The following ACCS variants were observed in gnomAD, a reference collection of about 807,000 sequenced individuals.
ACCS encodes 1-aminocyclopropane-1-carboxylate synthase homolog (inactive), also known as 1-aminocyclopropane-1-carboxylate synthase-like protein 1.
In ACCS, 42 loss-of-function variants were observed where a neutral mutation model predicts 59.8. The ratio of observed to expected loss-of-function variants is 0.70; its 90% CI spans 0.55 to 0.91. The LOEUF (loss-of-function observed/expected upper bound fraction) is 0.91. Ranked by LOEUF, ACCS falls within the 40% of genes least tolerant of loss-of-function variation. The pLI is 0.00. For missense variants in ACCS, 602 were observed against 630.4 expected, an observed-to-expected ratio of 0.95 and a Z score of 0.48; for synonymous variants, 230 against 240.3, an observed-to-expected ratio of 0.96 and a Z score of 0.40.
At position 44,077,320 on chromosome 11, in the gene ACCS, C is replaced by G; in HGVS notation, c.598C>G (p.Gln200Glu). 14 of 1,614,176 alleles carry G rather than the reference C, an allele frequency of 8.7e-6. No homozygotes were observed. The highest frequency in any genetic ancestry group is 1.2e-5 in the Non-Finnish European group (14 of 1,180,024). Residue 200 changes from glutamine to glutamate, a missense_variant, in exon 7 of 15, where the codon CAG becomes GAG. Physicochemically the swap from Gln to Glu is conservative, Grantham distance 29. Coordinates refer to ENST00000263776, the MANE Select transcript of ACCS (RefSeq NM_032592.4). Reference protein sequence around the residue: ...IPTPYYGAITQHVCLYGNIRL... With the variant: ...IPTPYYGAITEHVCLYGNIRL... ...CACCCCTTACTATGGCGCTATCACA[C>G]AGCACGTGTGTCTCTATGGCAACAT... is the stretch of plus-strand genomic sequence containing the variant.
intron 8 of ACCS, chr11:44,078,180 C>A (rs908924734): frequency 1.0e-5 from 5 of 492,158 alleles, no homozygotes; most frequent in African/African-American, 9.7e-5. Context: ...ATACCCCCAT[C>A]CCTGATCCAT....
intron 12 of ACCS, among the ~76,000 whole-genome samples, chr11:44,082,758 C>T (rs1953697587): frequency 1.3e-5 from 2 of 152,140 alleles, no homozygotes; most frequent in African/African-American, 4.8e-5. Context: ...AAAGTCAGTA[C>T]AAACAATGAG....
At chr11:44,079,659 T>C (rs1465720687) in intron 10 of ACCS, 39 bp downstream of exon 10, 1 of 1,563,552 alleles carries the variant, frequency 6.4e-7, no homozygotes, top group Non-Finnish European at 8.7e-7. Context: ...CCAGTCCCTA[T>C]TATCCCACGG....
chr11:44,081,125 A>G (rs1953618912), intron 11 of ACCS, 54 bp from the exon 12 acceptor site: 2 of 1,614,002 alleles, frequency 1.2e-6, no homozygotes, highest in Middle Eastern at 1.7e-4. Flanking sequence ...AGGTGGGTGG[A>G]ACCAGCTTCC....
At chr11:44,083,051 G>A in intron 12 of ACCS, 118 bp from the exon 13 acceptor site, 1 of 1,337,804 alleles carries the variant, frequency 7.5e-7, no homozygotes, top group Non-Finnish European at 1.0e-6. Flanking sequence ...GCCAGCTAGA[G>A]GAGGGACTCA....
chr11:44,073,269 TC>T lies in ACCS; in HGVS notation c.349-177del, dbSNP rs1428393555. 15 of 664,250 alleles carry T rather than the reference TC, an allele frequency of 2.3e-5. No individual in the cohort carries two copies. In the African/African-American group the frequency reaches 2.3e-4, roughly 10 times the overall value. 41.1% of individuals were successfully genotyped at this position (664,250 alleles called of 1,614,324 possible). A position where few individuals can be genotyped will look rare whatever the true frequency, so the allele number is the denominator to read the frequency against. The stretch of plus-strand genomic sequence containing the variant: ...GCTCTGTGACCTTGGCTGAGTGACC[TC>T]ACTTTTTTGGACCTCAGTTTCCTCA... On this transcript the variant is annotated intron_variant, in intron 3 of 14. Transcript: ENST00000263776.
chr11:44,077,224 G>A lies in ACCS; in HGVS notation c.557-55G>A. The A allele has an allele frequency of 7.0e-6, 11 of 1,579,426 alleles. No homozygotes were observed. In the South Asian group the frequency reaches 1.2e-4, roughly 17 times the overall value. On this transcript the variant is annotated intron_variant, in intron 6 of 14. Transcript: ENST00000263776. ...GAGGGACTGGGGACAGTGGACAGAGGGTCTGGGGTGTTCTGGCCAGAAAGT... is the reference window on the plus strand; with the variant it reads ...GAGGGACTGGGGACAGTGGACAGAGAGTCTGGGGTGTTCTGGCCAGAAAGT...
chr11:44,079,493 A>C lies in ACCS; in HGVS notation c.834-38A>C, dbSNP rs143463105. On this transcript the variant is annotated intron_variant, in intron 9 of 14. Coordinates refer to ENST00000263776, the MANE Select transcript of ACCS (RefSeq NM_032592.4). ...ACCCTGTGGGACGCATCTGCCCTAC[A>C]CACTAAGTCTCTCCTCCCCACCCCT... The C allele has an allele frequency of 8.7e-4, 1,355 of 1,564,096 alleles. 16 individuals are homozygous for C. In the East Asian group the frequency reaches 0.029, roughly 33 times the overall value.
intron 5 of ACCS, 101 bp from the exon 6 acceptor site, chr11:44,075,425 G>A: frequency 7.7e-7 from 1 of 1,293,758 alleles, no homozygotes; most frequent in South Asian, 1.3e-5. Context: ...GTGGCACCAA[G>A]GCAGGGCCTG....
At position 44,067,925 on chromosome 11, in the gene ACCS, G is replaced by A. The variant is rs1952867415; in HGVS notation, c.288+10G>A. 1 of 1,585,012 alleles carries A rather than the reference G, an allele frequency of 6.3e-7. No individual in the cohort carries two copies. The highest frequency in any genetic ancestry group is 1.4e-5 in the African/African-American group (1 of 73,960). On this transcript the variant is annotated intron_variant, in intron 2 of 14. Coordinates refer to ENST00000263776, the MANE Select transcript of ACCS (RefSeq NM_032592.4). ...GGACAAGAACCCCAGTGTGAGTGAA[G>A]CTCCCCTCCCACTGGGACCCAAGAG...
chr11:44,067,833 T>C lies in ACCS; in HGVS notation c.206T>C (p.Met69Thr). Reference protein sequence around the residue: ...DTSYLSSRGRMIKWFWDSAEE... With the variant: ...DTSYLSSRGRTIKWFWDSAEE... ...TCCTACCTGTCCTCTAGAGGAAGAA[T>C]GATTAAATGGTTCTGGGATTCAGCT... is the stretch of plus-strand genomic sequence containing the variant. Residue 69 changes from methionine (M) to threonine (T), a missense_variant, in exon 2 of 15, where the codon ATG becomes ACG. By Grantham distance (81) the Met-to-Thr change is moderately conservative. Transcript: ENST00000263776. 6.2e-7 allele frequency: 1 copy of C among 1,614,050 alleles called. No individual in the cohort carries two copies. The highest frequency in any genetic ancestry group is 1.1e-5 in the South Asian group (1 of 91,066).
intron 2 of ACCS, among the ~76,000 whole-genome samples, chr11:44,070,107 T>A (rs1472521000): frequency 6.6e-6 from 1 of 151,872 alleles, no homozygotes; most frequent in Non-Finnish European, 1.5e-5. Flanking sequence ...AGAAAGAGGA[T>A]GGGGTGGTGG....
intron 6 of ACCS, among the ~76,000 whole-genome samples, chr11:44,076,451 G>A (rs986240508): frequency 1.3e-5 from 2 of 152,168 alleles, no homozygotes; most frequent in Non-Finnish European, 2.9e-5. Context: ...AGGTTAACTT[G>A]TCAAAGTCAC....
At position 44,080,772 on chromosome 11, in the gene ACCS, A is replaced by G. The variant is rs76818995; in HGVS notation, c.924-248A>G. On this transcript the variant is annotated intron_variant, in intron 10 of 14. Transcript: ENST00000263776. ...TGACATTTGAGCTAGGCTCTAGATC[A>G]TGGCTGTGTTCTCATTAAACTTTAT... 4,323 of 564,052 alleles carry G rather than the reference A, an allele frequency of 7.7e-3. 64 individuals carry two copies. The highest frequency in any genetic ancestry group is 0.042 in the East Asian group (1,396 of 33,136). 34.9% of individuals were successfully genotyped at this position (564,052 alleles called of 1,614,324 possible).
chr11:44,083,319 T>C lies in ACCS; in HGVS notation c.1254+8T>C. 1 of 1,613,886 alleles carries C rather than the reference T, an allele frequency of 6.2e-7. No homozygotes were observed. Among genetic ancestry groups the C allele is most frequent in the Non-Finnish European group, 8.5e-7 (1 of 1,179,802 alleles). On this transcript the variant is annotated splice_region_variant and intron_variant, in intron 13 of 14. Transcript: ENST00000263776. The stretch of plus-strand genomic sequence containing the variant: ...TGGGTTGACTTGAGAAAGGTAATGC[T>C]GGTGGAGGTGCGGGCTGAGAGGGAG...
intron 8 of ACCS, 149 bp downstream of exon 8, chr11:44,078,071 T>A: frequency 9.3e-7 from 1 of 1,071,032 alleles, no homozygotes; most frequent in Non-Finnish European, 1.3e-6. Flanking sequence ...AGAATTATTC[T>A]GGGAGTCAGG....
Position 44,081,364 on chromosome 11 carries a change from G to A in ACCS, c.1111+44G>A. ...TGACCTGAAAATGGGAGGAGGGTTG[G>A]AGGCAGCCTGGGAACAGCCAGGAAT... is the stretch of plus-strand genomic sequence containing the variant. On this transcript the variant is annotated intron_variant, in intron 12 of 14. Transcript: ENST00000263776. 2.5e-6 allele frequency: 4 copies of A among 1,605,260 alleles called. No homozygotes were observed. In the South Asian group the frequency reaches 3.3e-5, roughly 13 times the overall value.
At chr11:44,081,466 C>T in intron 12 of ACCS, 146 bp downstream of exon 12, 1 of 1,296,096 alleles carries the variant, frequency 7.7e-7, no homozygotes, top group East Asian at 2.5e-5. Context: ...TGGGTCCATA[C>T]CCTATTTGGC....
At chr11:44,067,041 G>C (rs941567848) in intron 1 of ACCS, 1 of 153,884 alleles carries the variant, frequency 6.5e-6, no homozygotes, top group Non-Finnish European at 1.4e-5. Flanking sequence ...TCACACCCGC[G>C]GGCAGGAGTA....
Sources: allele counts gnomAD v4.1 joint callset (sites outside exome capture counted in the v4.1 genomes callset), GRCh38; gene constraint gnomAD v4.1.1; transcripts MANE v1.5; gene names NCBI Gene and HGNC (gene_info 2026-07-23, HGNC 2026-07-21).